Variants in PPP1R12C observed in about 807,000 individuals in gnomAD.
The protein encoded by PPP1R12C is protein phosphatase 1 regulatory subunit 12C.
Under a neutral mutation model 95.6 loss-of-function variants are expected in PPP1R12C, and 48 were observed. That is an observed-to-expected ratio of 0.50 (90% CI 0.40 to 0.64). The LOEUF is 0.64. Ranked by LOEUF, PPP1R12C falls within the 30% of genes least tolerant of loss-of-function variation. PPP1R12C has a pLI of 0.00. For missense variants in PPP1R12C, 1,057 were observed against 1,083.3 expected (o/e 0.98, Z 0.34); for synonymous variants, 480 against 460.8 (o/e 1.04, Z -0.53).
intron 9 of PPP1R12C, 55 bp from the exon 10 acceptor site, chr19:55,095,658 C>T (rs2147183306): frequency 6.6e-7 from 1 of 1,509,784 alleles, no homozygotes; most frequent in Non-Finnish European, 8.9e-7. Flanking sequence ...TCTCAGACCT[C>T]AAGGGTTAGC....
intron 3 of PPP1R12C, among the ~76,000 whole-genome samples, chr19:55,105,554 A>G (rs889350649): frequency 1.3e-5 from 2 of 152,214 alleles, no homozygotes; most frequent in Non-Finnish European, 2.9e-5. Flanking sequence ...AAAGTGCACA[A>G]TTCAGTGGCA....
rs2084832460 is a variant in PPP1R12C at position 55,091,042 on chromosome 19, A to G, written c.*430T>C. On this transcript the variant is annotated 3_prime_UTR_variant, in exon 22 of 22. Coordinates refer to ENST00000263433, the MANE Select transcript of PPP1R12C (RefSeq NM_017607.4). The stretch of plus-strand genomic sequence containing the variant: ...TAGAAGACGTCCCTCCCTATTGCAC[A>G]TGGACCCTATATACAGGCCCACCTG... 1.0e-5 allele frequency: 2 copies of G among 192,294 alleles called. No homozygotes were observed. The highest frequency in any genetic ancestry group is 1.1e-5 in the Non-Finnish European group (1 of 92,968). The allele number at this position is 192,294 out of a possible 1,614,324, so 11.9% of individuals were successfully genotyped here.
rs577182264 is a variant in PPP1R12C at position 55,109,814 on chromosome 19, G to A, written c.571+2653C>T. ...GGGTGCAGCCTGTGATCCAGGTCCT[G>A]CGCACTGCAGCCCCTCTGAGGCTCC... On this transcript the variant is annotated intron_variant, in intron 3 of 21. Transcript: ENST00000263433. The surrounding 1 kb of genome is among the most constrained non-coding windows in gnomAD (Gnocchi z 4.4). Among the ~76,000 whole-genome samples the A allele has an allele frequency of 4.6e-5, 7 of 152,322 alleles. No homozygotes were observed. Among genetic ancestry groups the A allele is most frequent in the East Asian group, 3.9e-4 (2 of 5,166 alleles).
At chr19:55,113,560 C>T (rs769573969) in intron 1 of PPP1R12C, 1 of 1,337,072 alleles carries the variant, frequency 7.5e-7, no homozygotes. Context: ...AGGGACTTGC[C>T]CCAGGCCTTG....
chr19:55,095,888 G>T lies in PPP1R12C; in HGVS notation c.1206C>A (p.His402Gln). 1 of 1,613,632 alleles carries T rather than the reference G, an allele frequency of 6.2e-7. No individual in the cohort carries two copies. Among genetic ancestry groups the T allele is most frequent in the South Asian group, 1.1e-5 (1 of 91,082 alleles). Residue 402 changes from histidine (H) to glutamine (Q), a missense_variant, in exon 9 of 22, where the codon CAC becomes CAA. Physicochemically the swap from His to Gln is conservative, Grantham distance 24. Coordinates refer to ENST00000263433, the MANE Select transcript of PPP1R12C (RefSeq NM_017607.4). Reference protein sequence around the residue: ...RTLNGVSSPPHPSPKSPVQLE... With the variant: ...RTLNGVSSPPQPSPKSPVQLE... ...TCACCACGGGACTCTTAGGGCTGGG[G>T]TGCGGCGGGGAGGAGACGCCATTGA... is the stretch of plus-strand genomic sequence containing the variant.
At chr19:55,096,358 C>T (rs776528973) in intron 6 of PPP1R12C, 23 bp from the exon 7 acceptor site, 104 of 1,611,646 alleles carry the variant, frequency 6.5e-5, no homozygotes, top group Non-Finnish European at 8.7e-5. Flanking sequence ...AAGGGGGCTG[C>T]AGGGGAGGGG....
intron 3 of PPP1R12C, among the ~76,000 whole-genome samples, chr19:55,108,061 G>A (rs542972371): frequency 6.9e-4 from 104 of 150,864 alleles, no homozygotes; most frequent in African/African-American, 2.4e-3. Context: ...TCAGCCTCCC[G>A]AGTAGCTGGG....
chr19:55,094,684 TG>T lies in PPP1R12C; in HGVS notation c.1568del (p.Pro523GlnfsTer41). ...PNVPTASTAP[P>X]ADSRDRRRSY... Reference sequence around the variant, plus strand: ...ACCTCCGTCGGTCCCGGGAGTCCGCTGGGGGCGCCGTGGAGGCTGTGGGGAC... The same window carrying T: ...ACCTCCGTCGGTCCCGGGAGTCCGCTGGGGCGCCGTGGAGGCTGTGGGGAC... On this transcript the variant is annotated frameshift_variant, in exon 12 of 22. Transcript: ENST00000263433. LOFTEE classifies it high-confidence loss of function. 6.2e-7 allele frequency: 1 copy of T among 1,604,418 alleles called. No homozygotes were observed.
chr19:55,097,104 T>G (rs2039278468), intron 6 of PPP1R12C: 1 of 167,326 alleles, frequency 6.0e-6, no homozygotes, highest in Non-Finnish European at 1.1e-5. Flanking sequence ...CCCCGCGCAG[T>G]TCGCAGTTCA....
chr19:55,096,213 C>G (rs2084910825), intron 7 of PPP1R12C, 35 bp from the exon 8 acceptor site: 1 of 1,613,042 alleles, frequency 6.2e-7, no homozygotes, highest in Non-Finnish European at 8.5e-7. Flanking sequence ...GGGTACAAGC[C>G]CGGGGCCTCC....
intron 4 of PPP1R12C, among the ~76,000 whole-genome samples, chr19:55,102,538 T>G (rs2084990116): frequency 6.6e-6 from 1 of 152,178 alleles, no homozygotes. Context: ...AAACTATATA[T>G]GCACCAAATA....
At chr19:55,095,162 G>T in intron 11 of PPP1R12C, 129 bp downstream of exon 11, 1 of 1,078,958 alleles carries the variant, frequency 9.3e-7, no homozygotes, top group Non-Finnish European at 1.4e-6. Flanking sequence ...GAGGAACACA[G>T]CACAGGCTCT....
intron 1 of PPP1R12C, 72 bp from the exon 2 acceptor site, chr19:55,112,867 G>C: frequency 6.3e-7 from 1 of 1,589,396 alleles, no homozygotes; most frequent in Non-Finnish European, 8.5e-7. Flanking sequence ...GACTCCAGAG[G>C]GAGCCACGAA....
rs1475172999 is a variant in PPP1R12C at position 55,117,583 on chromosome 19, C to A, written c.-40G>T. 7 of 982,170 alleles carry A rather than the reference C, an allele frequency of 7.1e-6. No homozygotes were observed. The highest frequency in any genetic ancestry group is 7.3e-6 in the Non-Finnish European group (6 of 826,624). 60.8% of individuals were successfully genotyped at this position (982,170 alleles called of 1,614,324 possible). ...GCCCAGCGAGCGAGCGAGCGCCGAG[C>A]CCCAACCGCCGCCACCACCCGCCCG... On this transcript the variant is annotated 5_prime_UTR_variant, in exon 1 of 22. Coordinates refer to ENST00000263433, the MANE Select transcript of PPP1R12C (RefSeq NM_017607.4).
At chr19:55,116,942 G>T (rs1416669685) in intron 1 of PPP1R12C, among the ~76,000 whole-genome samples, 1 of 152,170 alleles carries the variant, frequency 6.6e-6, no homozygotes, top group Non-Finnish European at 1.5e-5. Context: ...CTCCAATGCG[G>T]AAGAGAGTAG....
At position 55,094,749 on chromosome 19, in the gene PPP1R12C, A is replaced by G; in HGVS notation, c.1504T>C (p.Ser502Pro). ...PPCLENSSPP[S>P]RIPEPESPAK... is the part of the protein sequence containing the mutation. Reference sequence around the variant, plus strand: ...GGGGATTCAGGCTCCGGAATCCTGGAGGGAGGCGAGGAGTTCTCCAAGCAA... The same window carrying G: ...GGGGATTCAGGCTCCGGAATCCTGGGGGGAGGCGAGGAGTTCTCCAAGCAA... Residue 502 changes from serine (S) to proline (P), a missense_variant, in exon 12 of 22, where the codon TCC becomes CCC. Physicochemically the swap from Ser to Pro is moderately conservative, Grantham distance 74 (BLOSUM62 -1). Coordinates refer to ENST00000263433, the MANE Select transcript of PPP1R12C (RefSeq NM_017607.4). The G allele has an allele frequency of 6.2e-7, 1 of 1,607,970 alleles. No individual in the cohort carries two copies. Among genetic ancestry groups the G allele is most frequent in the Non-Finnish European group, 8.5e-7 (1 of 1,178,292 alleles).
At position 55,094,683 on chromosome 19, in the gene PPP1R12C, C is replaced by T; in HGVS notation, c.1570G>A (p.Ala524Thr). The change falls in exon 12 of 22, where the codon GCG becomes ACG. Residue 524 changes from alanine to threonine, a missense_variant. Physicochemically the swap from Ala to Thr is moderately conservative, Grantham distance 58. Transcript: ENST00000263433. ...NVPTASTAPP[A>T]DSRDRRRSYQ... Reference sequence around the variant, plus strand: ...CACCTCCGTCGGTCCCGGGAGTCCGCTGGGGGCGCCGTGGAGGCTGTGGGG... The same window carrying T: ...CACCTCCGTCGGTCCCGGGAGTCCGTTGGGGGCGCCGTGGAGGCTGTGGGG... The T allele has an allele frequency of 6.2e-7, 1 of 1,603,888 alleles. No individual in the cohort carries two copies. Among genetic ancestry groups the T allele is most frequent in the Non-Finnish European group, 8.5e-7 (1 of 1,176,978 alleles).
chr19:55,108,816 C>G (rs905528028), intron 3 of PPP1R12C, among the ~76,000 whole-genome samples: 1 of 152,210 alleles, frequency 6.6e-6, no homozygotes, highest in African/African-American at 2.4e-5. Flanking sequence ...GAGTGATTCT[C>G]CCGCCTCAGC....
intron 3 of PPP1R12C, among the ~76,000 whole-genome samples, chr19:55,108,644 T>G (rs2085063867): frequency 2.6e-5 from 4 of 152,332 alleles, no homozygotes; most frequent in Middle Eastern, 6.8e-3. Flanking sequence ...TGGCTTATTT[T>G]CACTTTTCAC....
Sources: allele counts gnomAD v4.1 joint callset (sites outside exome capture counted in the v4.1 genomes callset), GRCh38; gene constraint gnomAD v4.1.1; non-coding constraint Gnocchi (gnomAD v3.1); transcripts MANE v1.5; gene names NCBI Gene and HGNC (gene_info 2026-07-23, HGNC 2026-07-21).